The following TRAF5 variants were observed in gnomAD, a reference collection of about 807,000 sequenced individuals.
TRAF5 encodes the protein TNF receptor associated factor 5, also known as TNF receptor-associated factor 5.
In TRAF5, 48 loss-of-function variants were observed where a neutral mutation model predicts 64.5. That is an observed-to-expected ratio of 0.74 (90% CI 0.59 to 0.95). The LOEUF (loss-of-function observed/expected upper bound fraction) is 0.95. Ranked by LOEUF, TRAF5 falls within the 40% of genes least tolerant of loss-of-function variation. TRAF5 has a pLI of 0.00. For synonymous variants in TRAF5, 206 were observed against 240.5 expected (o/e 0.86, Z 1.33); for missense variants, 545 against 662.8 (o/e 0.82, Z 1.95).
At position 211,372,670 on chromosome 1, in the gene TRAF5, G is replaced by T; in HGVS notation, c.1642G>T (p.Ala548Ser). ...AGATGACACTCTGTTCTTGAAAGTG[G>T]CCGTGGACTTAACTGACCTGGAGGA... Reference protein sequence around the residue: ...IKDDTLFLKVAVDLTDLEDL With the variant: ...IKDDTLFLKVSVDLTDLEDL Residue 548 changes from alanine (A) to serine (S), a missense_variant, in exon 11 of 11, where the codon GCC becomes TCC. Transcript: ENST00000261464. 1 of 1,614,188 alleles carries T rather than the reference G, an allele frequency of 6.2e-7. No individual in the cohort carries two copies. Among genetic ancestry groups the T allele is most frequent in the Non-Finnish European group, 8.5e-7 (1 of 1,180,026 alleles).
rs1046690 is a variant in TRAF5, at chr1:211,373,159, T to C, written c.*457T>C. The C allele has an allele frequency of 6.5e-6, 1 of 153,212 alleles. No homozygotes were observed. Among genetic ancestry groups the C allele is most frequent in the South Asian group, 2.0e-4 (1 of 4,892 alleles). 9.5% of individuals were successfully genotyped at this position (153,212 alleles called of 1,614,324 possible). On this transcript the variant is annotated 3_prime_UTR_variant, in exon 11 of 11. Coordinates refer to ENST00000261464, the MANE Select transcript of TRAF5 (RefSeq NM_001033910.3). ...TATAAGGTAGGCTGTTCCAGTTAAGTAGTGGGTGATGTAGTTACAAAGATA... is the reference window on the plus strand; with the variant it reads ...TATAAGGTAGGCTGTTCCAGTTAAGCAGTGGGTGATGTAGTTACAAAGATA...
chr1:211,353,562 C>T, intron 2 of TRAF5, 105 bp downstream of exon 2: 1 of 1,129,772 alleles, frequency 8.9e-7, no homozygotes, highest in Non-Finnish European at 1.3e-6. Flanking sequence ...TTTTACTTGG[C>T]CACAGAACCA....
At chr1:211,330,959 G>C (rs985030005) in intron 1 of TRAF5, among the ~76,000 whole-genome samples, 3 of 152,144 alleles carry the variant, frequency 2.0e-5, no homozygotes, top group African/African-American at 7.2e-5. Context: ...CCCTCACCCA[G>C]TTATCTTCTT....
chr1:211,369,561 G>A lies in TRAF5; in HGVS notation c.899G>A (p.Gly300Asp). The part of the protein sequence containing the change: ...KEFKQFAQLF[G>D]KNGSFLPNIQ... Reference sequence around the variant, plus strand: ...TTCAAGCAGTTTGCACAGTTGTTTGGCAAAAATGGAAGCTTCCTCCCAAAC... The same window carrying A: ...TTCAAGCAGTTTGCACAGTTGTTTGACAAAAATGGAAGCTTCCTCCCAAAC... The change falls in exon 9 of 11, where the codon GGC (glycine) becomes GAC (aspartate). Residue 300 changes from glycine (G) to aspartate (D), a missense_variant. Physicochemically the swap from Gly to Asp is moderately conservative, Grantham distance 94. Coordinates refer to ENST00000261464, the MANE Select transcript of TRAF5 (RefSeq NM_001033910.3). 6.3e-7 allele frequency: 1 copy of A among 1,591,316 alleles called. No individual in the cohort carries two copies. The highest frequency in any genetic ancestry group is 8.5e-7 in the Non-Finnish European group (1 of 1,171,534).
At chr1:211,328,776 C>G (rs981380778) in intron 1 of TRAF5, among the ~76,000 whole-genome samples, 4 of 152,248 alleles carry the variant, frequency 2.6e-5, no homozygotes, top group African/African-American at 9.6e-5. Context: ...GTTTGTAAAG[C>G]TCGTTCCTTT....
rs753735879 is a variant in TRAF5 at position 211,361,078 on chromosome 1, C to T, written c.622-10C>T. 3.1e-6 allele frequency: 5 copies of T among 1,613,488 alleles called. No individual in the cohort carries two copies. The highest frequency in any genetic ancestry group is 3.4e-6 in the Non-Finnish European group (4 of 1,179,470). ...TGAATTTCTATAGCTTGTGACTATC[C>T]ATTTCGTAGGTAGATGAACACCTGG... is the stretch of plus-strand genomic sequence containing the variant. On this transcript the variant is annotated splice_polypyrimidine_tract_variant and intron_variant, in intron 6 of 10. Coordinates refer to ENST00000261464, the MANE Select transcript of TRAF5 (RefSeq NM_001033910.3).
At chr1:211,354,596 G>A in intron 3 of TRAF5, 129 bp downstream of exon 3, 2 of 932,470 alleles carry the variant, frequency 2.1e-6, no homozygotes, top group East Asian at 2.6e-5. Context: ...TTCTTCTGCT[G>A]TGGGGTCACA....
chr1:211,365,843 T>G (rs1351556233), intron 8 of TRAF5, among the ~76,000 whole-genome samples: 1 of 152,248 alleles, frequency 6.6e-6, no homozygotes, highest in African/African-American at 2.4e-5. Flanking sequence ...GGTTAATATC[T>G]GACACTTAGC....
Position 211,374,095 on chromosome 1 carries a change from T to C in TRAF5, c.*1393T>C, listed in dbSNP as rs1051982728. 6.6e-6 allele frequency: 1 copy of C among 152,228 alleles called. No individual in the cohort carries two copies. Among genetic ancestry groups the C allele is most frequent in the Non-Finnish European group, 1.5e-5 (1 of 68,042 alleles). 9.4% of individuals were successfully genotyped at this position (152,228 alleles called of 1,614,324 possible). ...GGGCATTTATATAAACTTGTGATGT[T>C]TCTTGTCAGAATTCTGAGTACTCTG... On this transcript the variant is annotated 3_prime_UTR_variant, in exon 11 of 11. Transcript: ENST00000261464.
chr1:211,331,485 ATATATAC>A (rs1702154249), intron 1 of TRAF5, among the ~76,000 whole-genome samples: 1 of 152,208 alleles, frequency 6.6e-6, no homozygotes, highest in South Asian at 2.1e-4. Context: ...AAATGAGTCA[ATATATAC>A]ACAGAGCCTG....
chr1:211,364,482 C>G (rs929509067), intron 7 of TRAF5, among the ~76,000 whole-genome samples: 3 of 151,844 alleles, frequency 2.0e-5, no homozygotes, highest in South Asian at 4.2e-4. Context: ...GTCAGGAGTT[C>G]GAGACCAGCC....
At chr1:211,338,075 T>G (rs887578073) in intron 1 of TRAF5, among the ~76,000 whole-genome samples, 1 of 152,082 alleles carries the variant, frequency 6.6e-6, no homozygotes, top group Non-Finnish European at 1.5e-5. Flanking sequence ...CTCCAAGAGA[T>G]AAGAGAAGGT....
chr1:211,365,900 ACTATT>A (rs113458619), intron 8 of TRAF5, among the ~76,000 whole-genome samples: 11 of 152,214 alleles, frequency 7.2e-5, no homozygotes, highest in African/African-American at 2.2e-4. Context: ...ACAACAGTTG[ACTATT>A]CTAAGCACTA....
At chr1:211,353,524 T>C (rs1159407704) in intron 2 of TRAF5, 67 bp downstream of exon 2, 1 of 1,469,592 alleles carries the variant, frequency 6.8e-7, no homozygotes, top group African/African-American at 1.4e-5. Flanking sequence ...CTGTGGCCAC[T>C]CAACTGTTTT....
rs1040548839 is a variant in TRAF5 at position 211,365,264 on chromosome 1, A to G, written c.697-112A>G. The G allele has an allele frequency of 3.6e-6, 3 of 841,854 alleles. No homozygotes were observed. In the African/African-American group the frequency reaches 5.2e-5, roughly 15 times the overall value. The allele number at this position is 841,854 out of a possible 1,614,324, so 52.1% of individuals were successfully genotyped here. A position where few individuals can be genotyped will look rare whatever the true frequency, so the allele number is the denominator to read the frequency against. ...CACCTAGAGACTGGTGCGTGTTTAA[A>G]CTATTAAAGTAAGCAAAGTTGTTAA... On this transcript the variant is annotated intron_variant, in intron 7 of 10. Coordinates refer to ENST00000261464, the MANE Select transcript of TRAF5 (RefSeq NM_001033910.3).
intron 1 of TRAF5, among the ~76,000 whole-genome samples, 162 bp from the exon 2 acceptor site, chr1:211,353,077 C>T (rs539662250): frequency 4.6e-5 from 7 of 152,238 alleles, no homozygotes; most frequent in South Asian, 4.2e-4. Context: ...TGCCGGAGCC[C>T]CCTAGTGGCA....
At chr1:211,349,766 TC>T (rs1015389109) in intron 1 of TRAF5, among the ~76,000 whole-genome samples, 1 of 152,092 alleles carries the variant, frequency 6.6e-6, no homozygotes, top group Non-Finnish European at 1.5e-5. Context: ...GTTTTGTACA[TC>T]CTACTGCCTT....
intron 1 of TRAF5, among the ~76,000 whole-genome samples, chr1:211,332,194 G>A (rs988551453): frequency 1.3e-5 from 2 of 152,214 alleles, no homozygotes; most frequent in South Asian, 2.1e-4. Flanking sequence ...CAGAGCAGGC[G>A]GCAGCTTTGG....
intron 5 of TRAF5, chr1:211,360,475 A>G: frequency 1.9e-6 from 1 of 520,686 alleles, no homozygotes; most frequent in Non-Finnish European, 3.4e-6. Context: ...ACCTTCTTTG[A>G]ATCCTGTGTT....
Sources: gnomAD v4.1 joint callset for allele counts (sites outside exome capture counted in the v4.1 genomes callset) on GRCh38, gnomAD v4.1.1 for gene constraint, MANE v1.5 for transcripts, NCBI Gene and HGNC (gene_info 2026-07-23, HGNC 2026-07-21) for gene names.